Variants in CMTM8 observed in about 807,000 individuals in gnomAD.
The protein encoded by CMTM8 is CKLF like MARVEL transmembrane domain containing 8.
In CMTM8, 12 loss-of-function variants were observed where a neutral mutation model predicts 18.6. The ratio of observed to expected loss-of-function variants is 0.65; its 90% CI spans 0.41 to 1.05. CMTM8 has a LOEUF of 1.05. Among genes scored for constraint, CMTM8 ranks in the 50% least tolerant of loss-of-function variants. The probability of loss-of-function intolerance (pLI) is 0.00; values close to 1 mark genes in which losing one functional copy is unlikely to be tolerated. For synonymous variants in CMTM8, 87 were observed against 90.6 expected, an observed-to-expected ratio of 0.96 and a Z score of 0.23; for missense variants, 217 against 227.2, an observed-to-expected ratio of 0.95 and a Z score of 0.29.
chr3:32,241,002 G>C (rs754348953), intron 1 of CMTM8, among the ~76,000 whole-genome samples: 6 of 152,054 alleles, frequency 3.9e-5, no homozygotes, highest in Non-Finnish European at 7.4e-5. Flanking sequence ...TGCCCAGGCT[G>C]CTCTGAAACT....
intron 1 of CMTM8, among the ~76,000 whole-genome samples, chr3:32,315,419 C>T (rs1029299620): frequency 2.6e-5 from 4 of 152,174 alleles, no homozygotes; most frequent in African/African-American, 9.7e-5. Flanking sequence ...TGTGAGCTAC[C>T]ACGCCCAGCC....
chr3:32,252,571 T>C (rs1198505786), intron 1 of CMTM8, among the ~76,000 whole-genome samples: 1 of 152,242 alleles, frequency 6.6e-6, no homozygotes, highest in Non-Finnish European at 1.5e-5. Flanking sequence ...AGATGAATCT[T>C]AGGCATTTCT....
chr3:32,293,077 G>GTATATATATATATATATA, intron 1 of CMTM8, among the ~76,000 whole-genome samples: 1 of 145,778 alleles, frequency 6.9e-6, no homozygotes, highest in African/African-American at 2.5e-5. Flanking sequence ...ATATGTGTGT[G>GTATATATATATATATATA]TATATATATA....
intron 1 of CMTM8, among the ~76,000 whole-genome samples, chr3:32,316,935 A>G (rs1186494930): frequency 6.6e-6 from 1 of 152,248 alleles, no homozygotes; most frequent in Non-Finnish European, 1.5e-5. Context: ...ACTCCTAAAA[A>G]TGCAGGACAA....
intron 1 of CMTM8, among the ~76,000 whole-genome samples, chr3:32,260,793 T>A (rs1702245422): frequency 6.6e-6 from 1 of 152,216 alleles, no homozygotes; most frequent in African/African-American, 2.4e-5. Context: ...GATTTTTATA[T>A]AACACATAGA....
chr3:32,319,074 A>ATATATTTTT lies in CMTM8; in HGVS notation c.148-38298_148-38297insATATTTTTT. On this transcript the variant is annotated intron_variant, in intron 1 of 3. Coordinates refer to ENST00000307526, the MANE Select transcript of CMTM8 (RefSeq NM_178868.5). ...TGTATATACATATATATATATATAT[A>ATATATTTTT]TTTTTTTTTTTTTTTTTTTTTGAGA... is the stretch of plus-strand genomic sequence containing the variant. Among the ~76,000 whole-genome samples the ATATATTTTT allele has an allele frequency of 4.1e-4, 13 of 31,532 alleles. No individual in the cohort carries two copies. In the East Asian group the frequency reaches 0.014, roughly 34 times the overall value. The allele number at this position is 31,532 out of a possible 152,430, so 20.7% of individuals were successfully genotyped here.
intron 1 of CMTM8, among the ~76,000 whole-genome samples, chr3:32,304,464 T>C (rs991727634): frequency 2.6e-5 from 4 of 152,254 alleles, no homozygotes; most frequent in Non-Finnish European, 4.4e-5. Context: ...GTAGAATCAA[T>C]TCCATTGCTC....
At chr3:32,255,532 C>T (rs544006036) in intron 1 of CMTM8, among the ~76,000 whole-genome samples, 1 of 152,034 alleles carries the variant, frequency 6.6e-6, no homozygotes, top group Non-Finnish European at 1.5e-5. Context: ...TTTTGTGTCA[C>T]GTACTTTCTT....
chr3:32,241,315 C>T (rs1701944209), intron 1 of CMTM8, among the ~76,000 whole-genome samples: 1 of 152,192 alleles, frequency 6.6e-6, no homozygotes, highest in Non-Finnish European at 1.5e-5. Context: ...TCCTGTCTCC[C>T]AATATAGGTC....
intron 1 of CMTM8, among the ~76,000 whole-genome samples, chr3:32,260,668 GTT>G (rs33991032): frequency 7.3e-6 from 1 of 136,424 alleles, no homozygotes; most frequent in African/African-American, 2.7e-5. Context: ...TTTTTTTAAA[GTT>G]TTTTTTTTTT....
At chr3:32,289,550 A>G (rs1435984484) in intron 1 of CMTM8, among the ~76,000 whole-genome samples, 4 of 152,254 alleles carry the variant, frequency 2.6e-5, no homozygotes, top group Non-Finnish European at 5.9e-5. Flanking sequence ...GAGAATATAC[A>G]GTAAGTATTG....
chr3:32,263,757 G>C (rs567264886), intron 1 of CMTM8, among the ~76,000 whole-genome samples: 41 of 152,112 alleles, frequency 2.7e-4, no homozygotes, highest in Non-Finnish European at 3.5e-4. Context: ...GTCCTTAAAG[G>C]ACCTCATGGA....
chr3:32,348,511 C>T (rs1230517930), intron 1 of CMTM8, among the ~76,000 whole-genome samples: 1 of 128,794 alleles, frequency 7.8e-6, no homozygotes, highest in Non-Finnish European at 1.6e-5. Flanking sequence ...CCATTTTCTT[C>T]ACTCTCTCTT....
At chr3:32,272,284 T>C (rs1196900604) in intron 1 of CMTM8, among the ~76,000 whole-genome samples, 1 of 152,206 alleles carries the variant, frequency 6.6e-6, no homozygotes, top group East Asian at 1.9e-4. Context: ...ATGATATGTC[T>C]AGCTAAGGTT....
At chr3:32,335,545 C>G (rs1287509582) in intron 1 of CMTM8, among the ~76,000 whole-genome samples, 1 of 152,188 alleles carries the variant, frequency 6.6e-6, no homozygotes, top group East Asian at 1.9e-4. Flanking sequence ...TCAACTCTCT[C>G]CATCTCTGCA....
chr3:32,341,183 G>A (rs970219284), intron 1 of CMTM8, among the ~76,000 whole-genome samples: 6 of 152,218 alleles, frequency 3.9e-5, no homozygotes, highest in African/African-American at 1.4e-4. Flanking sequence ...CTACCTAGTG[G>A]CCCAACAGTG....
At chr3:32,350,359 CTTTT>C (rs527757254) in intron 1 of CMTM8, among the ~76,000 whole-genome samples, 1 of 136,166 alleles carries the variant, frequency 7.3e-6, no homozygotes. Context: ...GTGTTCTAAG[CTTTT>C]TTTTTTTTTT....
At chr3:32,329,039 C>CTA (rs1696221226) in intron 1 of CMTM8, among the ~76,000 whole-genome samples, 1 of 152,136 alleles carries the variant, frequency 6.6e-6, no homozygotes, top group Non-Finnish European at 1.5e-5. Context: ...AACAAAGATA[C>CTA]TATACTACAA....
intron 1 of CMTM8, among the ~76,000 whole-genome samples, chr3:32,332,918 C>T (rs950049147): frequency 4.6e-5 from 7 of 152,052 alleles, no homozygotes; most frequent in African/African-American, 1.4e-4. Flanking sequence ...CATGGGCTAC[C>T]GTTATTAATA....
Sources: allele counts gnomAD v4.1 joint callset (sites outside exome capture counted in the v4.1 genomes callset), GRCh38; gene constraint gnomAD v4.1.1; transcripts MANE v1.5; gene names NCBI Gene and HGNC (gene_info 2026-07-23, HGNC 2026-07-21).